The following CA2 variants were observed in gnomAD, a reference collection of about 807,000 sequenced individuals.
CA2 encodes the protein carbonic anhydrase 2.
CA2 carries 23 observed loss-of-function variants against 27.8 expected under a neutral mutation model. The observed-to-expected ratio is 0.83, with a 90% CI of 0.59 to 1.17. The LOEUF is 1.17. Among genes scored for constraint, CA2 ranks in the 50% most tolerant of loss-of-function variants. CA2 has a pLI of 0.00. For synonymous variants in CA2, 99 were observed against 114.9 expected (o/e 0.86, Z 0.88); for missense variants, 300 against 314.7 (o/e 0.95, Z 0.35).
At chr8:85,477,043 T>A in intron 5 of CA2, 77 bp from the exon 6 acceptor site, 1 of 1,428,092 alleles carries the variant, frequency 7.0e-7, no homozygotes, top group Non-Finnish European at 9.9e-7. Flanking sequence ...GTATACCTAT[T>A]TGTGTCTGCT....
At chr8:85,476,870 G>A (rs553766769) in intron 5 of CA2, among the ~76,000 whole-genome samples, 1 of 151,796 alleles carries the variant, frequency 6.6e-6, no homozygotes, top group East Asian at 1.9e-4. Context: ...TTAGATAAAA[G>A]GCCAAGATGA....
chr8:85,480,195 A>G (rs552589263), intron 6 of CA2, among the ~76,000 whole-genome samples: 2 of 152,302 alleles, frequency 1.3e-5, no homozygotes, highest in South Asian at 4.1e-4. Context: ...ATTCATTAGG[A>G]ATCAAACTGA....
chr8:85,468,799 C>G (rs188575522), intron 2 of CA2, among the ~76,000 whole-genome samples: 5 of 150,668 alleles, frequency 3.3e-5, no homozygotes, highest in Non-Finnish European at 7.4e-5. Flanking sequence ...CACACACACA[C>G]AAAACCATGT....
At chr8:85,473,361 T>G (rs1396556584) in intron 2 of CA2, 1 of 468,670 alleles carries the variant, frequency 2.1e-6, no homozygotes, top group African/African-American at 2.0e-5. Flanking sequence ...TCTCTGGACC[T>G]GAATCTATGA....
In CA2 at chr8:85,469,093, G is replaced by T. The variant is rs183975911; in HGVS notation, c.232+3624G>T. ...ATACATACCATGTTTTTTAAAAGCTGGCATTTTTTTCTGTACACAAGTCAA... is the reference window on the plus strand; with the variant it reads ...ATACATACCATGTTTTTTAAAAGCTTGCATTTTTTTCTGTACACAAGTCAA... On this transcript the variant is annotated intron_variant, in intron 2 of 6. Coordinates refer to ENST00000285379, the MANE Select transcript of CA2 (RefSeq NM_000067.3). 1.7e-3 allele frequency among the ~76,000 whole-genome samples: 262 copies of T among 152,002 alleles called. 1 individual carries two copies. The highest frequency in any genetic ancestry group is 3.4e-3 in the Middle Eastern group (1 of 294).
In CA2 at chr8:85,480,703, G is replaced by A. The variant is rs748369465; in HGVS notation, c.697G>A (p.Glu233Lys). Residue 233 changes from glutamate to lysine, a missense_variant, in exon 7 of 7, where the codon GAG becomes AAG. Around this residue, in one of 3 missense-constraint regions of CA2, gnomAD observed 173 missense variants for 161.0 expected, o/e 1.07. Coordinates refer to ENST00000285379, the MANE Select transcript of CA2 (RefSeq NM_000067.3). Reference protein sequence around the residue: ...LKFRKLNFNGEGEPEELMVDN... With the variant: ...LKFRKLNFNGKGEPEELMVDN... ...ATTCCGTAAACTTAACTTCAATGGG[G>A]AGGGTGAACCCGAAGAACTGATGGT... 2.9e-5 allele frequency: 46 copies of A among 1,613,618 alleles called. No individual in the cohort carries two copies. Among genetic ancestry groups the A allele is most frequent in the Non-Finnish European group, 3.7e-5 (44 of 1,179,672 alleles).
Position 85,475,818 on chromosome 8 carries a change from C to T in CA2, c.465C>T (p.Gly155=), listed in dbSNP as rs759355978. The change falls in exon 5 of 7, where the codon GGC becomes GGT. Residue 155 remains glycine (G), a synonymous_variant. Transcript: ENST00000285379. ...TTTAGGTTGGCAGCGCTAAACCGGG[C>T]CTTCAGAAAGTTGTTGATGTGCTGG... ...IFLKVGSAKP[G]LQKVVDVLDS... The T allele has an allele frequency of 6.2e-7, 1 of 1,613,970 alleles. No homozygotes were observed. The highest frequency in any genetic ancestry group is 8.5e-7 in the Non-Finnish European group (1 of 1,179,922).
intron 2 of CA2, 133 bp downstream of exon 2, chr8:85,465,602 A>T: frequency 1.3e-6 from 1 of 749,812 alleles, no homozygotes. Context: ...TGCCACCCTG[A>T]TCATTTTCAT....
At chr8:85,474,092 T>A (rs1811750782) in intron 3 of CA2, 1 of 608,984 alleles carries the variant, frequency 1.6e-6, no homozygotes, top group South Asian at 2.0e-5. Context: ...ATGTGTGCCT[T>A]CTGTCAAAAC....
intron 6 of CA2, among the ~76,000 whole-genome samples, chr8:85,478,616 C>G (rs996958927): frequency 6.6e-6 from 1 of 152,196 alleles, no homozygotes; most frequent in African/African-American, 2.4e-5. Flanking sequence ...GCAGTTGAAC[C>G]TACTGCATTA....
rs140506123 is a variant in CA2 at position 85,465,108 on chromosome 8, A to C, written c.35-164A>C. Among the ~76,000 whole-genome samples, 761 of 152,330 alleles carry C rather than the reference A, an allele frequency of 5.0e-3. 4 individuals carry two copies. Among genetic ancestry groups the C allele is most frequent in the African/African-American group, 0.016 (681 of 41,558 alleles). On this transcript the variant is annotated intron_variant, in intron 1 of 6. Coordinates refer to ENST00000285379, the MANE Select transcript of CA2 (RefSeq NM_000067.3). Reference sequence around the variant, plus strand: ...TAATTATCCCATATTACAAATGTGGAAACTGAGGCACAGATTACGTGTTTT... The same window carrying C: ...TAATTATCCCATATTACAAATGTGGCAACTGAGGCACAGATTACGTGTTTT...
In CA2 at chr8:85,464,081, C is replaced by A. The variant is rs761725568; in HGVS notation, c.-1C>A. On this transcript the variant is annotated 5_prime_UTR_variant, in exon 1 of 7. Transcript: ENST00000285379. The stretch of plus-strand genomic sequence containing the variant: ...GCCCTGCCCCGACCGCCAGCGCGAC[C>A]ATGTCCCATCACTGGGGGTACGGCA... The A allele has an allele frequency of 1.3e-6, 2 of 1,548,838 alleles. No individual in the cohort carries two copies. Among genetic ancestry groups the A allele is most frequent in the South Asian group, 2.4e-5 (2 of 84,074 alleles).
At position 85,472,624 on chromosome 8, in the gene CA2, C is replaced by A. The variant is rs564317277; in HGVS notation, c.233-1069C>A. Among the ~76,000 whole-genome samples, 68 of 152,148 alleles carry A rather than the reference C, an allele frequency of 4.5e-4. 1 individual carries two copies. The South Asian group carries it at 0.013, about 29-fold the overall frequency. ...CATTACACTGCATATAGAAGATGATCCATAAATTATTAGTGAAATAGTAAA... is the reference window on the plus strand; with the variant it reads ...CATTACACTGCATATAGAAGATGATACATAAATTATTAGTGAAATAGTAAA... On this transcript the variant is annotated intron_variant, in intron 2 of 6. Coordinates refer to ENST00000285379, the MANE Select transcript of CA2 (RefSeq NM_000067.3).
chr8:85,464,154 C>T (rs1003415998), intron 1 of CA2, 39 bp downstream of exon 1: 11 of 1,440,266 alleles, frequency 7.6e-6, no homozygotes, highest in South Asian at 1.3e-5. Flanking sequence ...GCGCCCCGAT[C>T]CCCGATCCCC....
intron 2 of CA2, chr8:85,473,445 A>C: frequency 1.6e-6 from 1 of 611,484 alleles, no homozygotes; most frequent in Non-Finnish European, 3.0e-6. Flanking sequence ...TTCTCCAGAC[A>C]ACGCATGTGA....
chr8:85,465,674 C>G (rs978595442), intron 2 of CA2, among the ~76,000 whole-genome samples: 1 of 152,188 alleles, frequency 6.6e-6, no homozygotes, highest in African/African-American at 2.4e-5. Flanking sequence ...CGTTTCTTCC[C>G]TGTAAAACCC....
At chr8:85,464,193 G>A (rs1811581411) in intron 1 of CA2, 78 bp downstream of exon 1, 3 of 1,343,184 alleles carry the variant, frequency 2.2e-6, no homozygotes, top group Non-Finnish European at 3.0e-6. Context: ...CCGGATGCCG[G>A]CCCGGGGCCC....
intron 1 of CA2, chr8:85,464,809 T>C (rs1811598617): frequency 5.9e-6 from 1 of 170,578 alleles, no homozygotes; most frequent in African/African-American, 2.4e-5. Context: ...GGTGTGGGGC[T>C]TCCCAGGTAG....
intron 2 of CA2, among the ~76,000 whole-genome samples, chr8:85,468,213 G>A (rs902355957): frequency 2.6e-5 from 4 of 152,218 alleles, no homozygotes; most frequent in African/African-American, 7.2e-5. Context: ...TGTCTTGGAC[G>A]AGAGTCCAGG....
Sources: gnomAD v4.1 joint callset for allele counts (sites outside exome capture counted in the v4.1 genomes callset) on GRCh38, gnomAD v4.1.1 for gene constraint, gnomAD v4.1.1 regional missense constraint, MANE v1.5 for transcripts, NCBI Gene and HGNC (gene_info 2026-07-23, HGNC 2026-07-21) for gene names.